Variants in DNAH17 observed in about 807,000 individuals in gnomAD.
DNAH17 encodes the protein axonemal beta dynein heavy chain 17.
DNAH17 carries 376 observed loss-of-function variants against 485.6 expected under a neutral mutation model. The ratio of observed to expected loss-of-function variants is 0.77; its 90% confidence interval spans 0.71 to 0.84. The LOEUF (loss-of-function observed/expected upper bound fraction) is 0.84. Ranked by LOEUF, DNAH17 falls within the 40% of genes least tolerant of loss-of-function variation. The probability of loss-of-function intolerance (pLI) is 0.00; values close to 1 mark genes in which losing one functional copy is unlikely to be tolerated. For missense variants in DNAH17, 6,370 were observed against 5,839.3 expected (o/e 1.09, Z -2.96); for synonymous variants, 3,031 against 2,405.9 (o/e 1.26, Z -7.60).
Position 78,495,227 on chromosome 17 carries a change from G to A in DNAH17, c.5904-130C>T, listed in dbSNP as rs595711. The A allele has an allele frequency of 0.26, 318,022 of 1,222,752 alleles. 42,320 individuals carry two copies. Among genetic ancestry groups the A allele is most frequent in the African/African-American group, 0.32 (21,377 of 66,180 alleles). The allele number at this position is 1,222,752 out of a possible 1,614,324, so 75.7% of individuals were successfully genotyped here. A position where few individuals can be genotyped will look rare whatever the true frequency, so the allele number is the denominator to read the frequency against. On this transcript the variant is annotated intron_variant, in intron 38 of 80. Coordinates refer to ENST00000389840, the MANE Select transcript of DNAH17 (RefSeq NM_173628.4). Reference sequence around the variant, plus strand: ...GACCACAGCAGAGTGTTGAACCTTCGGTCCTGGAGCCGGGCTCCCAGCCCG... The same window carrying A: ...GACCACAGCAGAGTGTTGAACCTTCAGTCCTGGAGCCGGGCTCCCAGCCCG...
chr17:78,570,882 A>T, intron 6 of DNAH17, 66 bp downstream of exon 6: 1 of 709,722 alleles, frequency 1.4e-6, no homozygotes. Context: ...AAAAAAAGAA[A>T]AAAGAAAAGA....
At position 78,450,272 on chromosome 17, in the gene DNAH17, G is replaced by C; in HGVS notation, c.11022C>G (p.Val3674=). 6.2e-7 allele frequency: 1 copy of C among 1,613,960 alleles called. No homozygotes were observed. The highest frequency in any genetic ancestry group is 1.7e-5 in the Admixed American group (1 of 60,028). The part of the protein sequence containing the change: ...ILNDLNKINP[V]YQFSLKAFNV... ...GGCGCACCTTGAGGGAGAACTGGTA[G>C]ACGGGGTTGATTTTGTTGAGATCGT... Residue 3674 remains valine, a synonymous_variant, in exon 68 of 81, where the codon GTC becomes GTG. Transcript: ENST00000389840.
chr17:78,451,828 G>A (rs1267155056), intron 65 of DNAH17, among the ~76,000 whole-genome samples, 155 bp from the exon 66 acceptor site: 1 of 152,066 alleles, frequency 6.6e-6, no homozygotes, highest in Non-Finnish European at 1.5e-5. Context: ...CTCCTTGTCT[G>A]TTCCTCCTCC....
chr17:78,444,303 C>T (rs2087188729), intron 71 of DNAH17, among the ~76,000 whole-genome samples: 2 of 152,112 alleles, frequency 1.3e-5, no homozygotes. Context: ...GGGCACCCCT[C>T]CTCAGTCAGG....
At chr17:78,513,341 AAT>A (rs2090687775) in intron 26 of DNAH17, among the ~76,000 whole-genome samples, 1 of 152,204 alleles carries the variant, frequency 6.6e-6, no homozygotes, top group Non-Finnish European at 1.5e-5. Context: ...TTTACCCCAA[AAT>A]ATGTTTCTTT....
chr17:78,436,046 G>GTT (rs2086841472), intron 74 of DNAH17, among the ~76,000 whole-genome samples: 1 of 152,180 alleles, frequency 6.6e-6, no homozygotes, highest in African/African-American at 2.4e-5. Context: ...CATATAAGTA[G>GTT]TTTTTAAAAA....
intron 11 of DNAH17, among the ~76,000 whole-genome samples, chr17:78,565,303 G>A (rs1252855275): frequency 2.0e-5 from 3 of 152,206 alleles, no homozygotes; most frequent in African/African-American, 7.2e-5. Context: ...ACAGCAAGGA[G>A]GTGCTGTATT....
chr17:78,545,629 A>G (rs149791769), intron 16 of DNAH17, among the ~76,000 whole-genome samples: 1 of 152,304 alleles, frequency 6.6e-6, no homozygotes, highest in Admixed American at 6.5e-5. Flanking sequence ...AAGACCCATC[A>G]CAGCAGGGAT....
chr17:78,445,441 A>T, intron 70 of DNAH17, 117 bp downstream of exon 70: 1 of 1,406,904 alleles, frequency 7.1e-7, no homozygotes, highest in Non-Finnish European at 9.5e-7. Context: ...TCCTTGCTTT[A>T]CTGAATTTAT....
In DNAH17 at chr17:78,485,237, G is replaced by C. The variant is rs373956696; in HGVS notation, c.7484-204C>G. ...GAATAAACAGAGCGATCAGAGGCGA[G>C]GGTGGCAGGAACCTTGCTCTCCGTC... On this transcript the variant is annotated intron_variant, in intron 47 of 80. Coordinates refer to ENST00000389840, the MANE Select transcript of DNAH17 (RefSeq NM_173628.4). 25 of 688,060 alleles carry C rather than the reference G, an allele frequency of 3.6e-5. No individual in the cohort carries two copies. In the African/African-American group the frequency reaches 4.1e-4, roughly 11 times the overall value. 42.6% of individuals were successfully genotyped at this position (688,060 alleles called of 1,614,324 possible). A position where few individuals can be genotyped will look rare whatever the true frequency, so the allele number is the denominator to read the frequency against.
rs768513590 is a variant in DNAH17, at chr17:78,426,453, T to G, written c.12915+4A>C. On this transcript the variant is annotated splice_donor_region_variant and intron_variant, in intron 79 of 80. Transcript: ENST00000389840. ...GGAAGCCTCTCAGAGAAAACGGCACTTACCCTGATGCGGAGCAGCAGGTCT... is the reference window on the plus strand; with the variant it reads ...GGAAGCCTCTCAGAGAAAACGGCACGTACCCTGATGCGGAGCAGCAGGTCT... The G allele has an allele frequency of 2.5e-6, 4 of 1,594,090 alleles. No individual in the cohort carries two copies. The East Asian group carries it at 6.7e-5, about 27-fold the overall frequency.
chr17:78,481,307 G>C (rs1268688220), intron 48 of DNAH17, among the ~76,000 whole-genome samples: 1 of 151,652 alleles, frequency 6.6e-6, no homozygotes, highest in Admixed American at 6.6e-5. Context: ...GTTTCACCGT[G>C]TTAGCCAGGA....
chr17:78,426,944 C>T lies in DNAH17; in HGVS notation c.12753G>A (p.Glu4251=), dbSNP rs1199367332. Residue 4251 remains glutamate (E), a synonymous_variant, in exon 78 of 81, where the codon GAG becomes GAA. Coordinates refer to ENST00000389840, the MANE Select transcript of DNAH17 (RefSeq NM_173628.4). ...LTNEMRRSLK[E]LNLGLKGELT... ...TGTTTACCTTCAGCCCCAGGTTCAG[C>T]TCCTTGAGCGAACGGCGCATTTCGT... 6 of 1,607,058 alleles carry T rather than the reference C, an allele frequency of 3.7e-6. No homozygotes were observed. In the African/African-American group the frequency reaches 6.7e-5, roughly 18 times the overall value.
rs1186065778 is a variant in DNAH17, at chr17:78,455,668, C to G, written c.10146G>C (p.Trp3382Cys). 1 of 1,560,068 alleles carries G rather than the reference C, an allele frequency of 6.4e-7. No individual in the cohort carries two copies. The highest frequency in any genetic ancestry group is 8.7e-7 in the Non-Finnish European group (1 of 1,152,120). ...KYRNELMEKF[W>C]IPYIHNLKVP... is the part of the protein sequence containing the mutation. The stretch of plus-strand genomic sequence containing the variant: ...CCTTTAAGTTATGTATGTAAGGGAT[C>G]CAGAATTTCTCCATCAGCTCATTCC... The change falls in exon 63 of 81, where the codon TGG becomes TGC. Residue 3382 changes from tryptophan (W) to cysteine (C), a missense_variant. Coordinates refer to ENST00000389840, the MANE Select transcript of DNAH17 (RefSeq NM_173628.4).
chr17:78,437,377 T>C (rs1456660336), intron 74 of DNAH17, among the ~76,000 whole-genome samples: 1 of 152,174 alleles, frequency 6.6e-6, no homozygotes, highest in East Asian at 1.9e-4. Context: ...CATTTGCAGG[T>C]TCATAGAACT....
intron 17 of DNAH17, among the ~76,000 whole-genome samples, chr17:78,543,035 A>G (rs182115604): frequency 1.8e-4 from 27 of 152,356 alleles, no homozygotes; most frequent in Admixed American, 1.3e-3. Context: ...GGCCCATCAT[A>G]AGAGGAACCA....
At chr17:78,444,516 CCA>C (rs1265285415) in intron 71 of DNAH17, 86 bp downstream of exon 71, 1 of 1,313,314 alleles carries the variant, frequency 7.6e-7, no homozygotes, top group Non-Finnish European at 1.0e-6. Flanking sequence ...CAACTCAAGT[CCA>C]CAGAGAGTCT....
Position 78,434,008 on chromosome 17 carries a change from AG to A in DNAH17, c.12225+20del. 6.5e-7 allele frequency: 1 copy of A among 1,546,406 alleles called. No individual in the cohort carries two copies. The highest frequency in any genetic ancestry group is 1.8e-5 in the Admixed American group (1 of 56,032). On this transcript the variant is annotated intron_variant, in intron 75 of 80. Coordinates refer to ENST00000389840, the MANE Select transcript of DNAH17 (RefSeq NM_173628.4). ...AAGAGGGAGGGATATGTCCAAGTACAGGGCACACACAGCCCCTCACCTTGGG... is the reference window on the plus strand; with the variant it reads ...AAGAGGGAGGGATATGTCCAAGTACAGGCACACACAGCCCCTCACCTTGGG...
At chr17:78,437,555 G>C in intron 74 of DNAH17, 86 bp downstream of exon 74, 1 of 1,030,318 alleles carries the variant, frequency 9.7e-7, no homozygotes, top group Non-Finnish European at 1.4e-6. Flanking sequence ...GTTCAGAGCG[G>C]TCCTCAGTGG....
Sources: gnomAD v4.1 joint callset for allele counts (sites outside exome capture counted in the v4.1 genomes callset) on GRCh38, gnomAD v4.1.1 for gene constraint, MANE v1.5 for transcripts, NCBI Gene and HGNC (gene_info 2026-07-23, HGNC 2026-07-21) for gene names.